Variants in PALLD observed in about 807,000 individuals in gnomAD.
PALLD encodes the protein palladin.
Under a neutral mutation model 123.5 loss-of-function variants are expected in PALLD, and 61 were observed. The observed-to-expected ratio is 0.49, with a 90% confidence interval of 0.40 to 0.61. The LOEUF (loss-of-function observed/expected upper bound fraction) is 0.61, where lower values mean the gene tolerates loss of function less well. Among genes scored for constraint, PALLD ranks in the 20% least tolerant of loss-of-function variants. The probability of loss-of-function intolerance (pLI) is 0.00; values close to 1 mark genes in which losing one functional copy is unlikely to be tolerated. For missense variants in PALLD, 1,273 were observed against 1,377.0 expected (o/e 0.92, Z 1.20); for synonymous variants, 465 against 496.4 (o/e 0.94, Z 0.84).
intron 10 of PALLD, among the ~76,000 whole-genome samples, chr4:168,740,196 A>G (rs1165077471): frequency 6.6e-6 from 1 of 152,218 alleles, no homozygotes. Flanking sequence ...ACTGGGAAAC[A>G]TCTTAAAAGA....
chr4:168,824,294 A>G (rs1743124829), intron 10 of PALLD, among the ~76,000 whole-genome samples: 1 of 151,978 alleles, frequency 6.6e-6, no homozygotes, highest in African/African-American at 2.4e-5. Context: ...TTTTTTTACC[A>G]ATCCTCTTAA....
intron 2 of PALLD, among the ~76,000 whole-genome samples, chr4:168,586,946 A>G (rs1288090323): frequency 2.0e-5 from 3 of 152,200 alleles, no homozygotes; most frequent in African/African-American, 7.2e-5. Context: ...TAAAAAGGAA[A>G]AGTCTAGTAT....
At position 168,703,810 on chromosome 4, in the gene PALLD, C is replaced by G. The variant is rs568473826; in HGVS notation, c.1502-5218C>G. 3.8e-3 allele frequency among the ~76,000 whole-genome samples: 544 copies of G among 144,236 alleles called. 20 individuals carry two copies. The highest frequency in any genetic ancestry group is 6.6e-3 in the Non-Finnish European group (442 of 66,748). The allele number at this position is 144,236 out of a possible 152,430, so 94.6% of individuals were successfully genotyped here. A position where few individuals can be genotyped will look rare whatever the true frequency, so the allele number is the denominator to read the frequency against. Reference sequence around the variant, plus strand: ...GTTCATTGTAGATTCTGGATATTAGCCCTTTGTCAGATGAGTAGGTTGCGA... The same window carrying G: ...GTTCATTGTAGATTCTGGATATTAGGCCTTTGTCAGATGAGTAGGTTGCGA... On this transcript the variant is annotated intron_variant, in intron 8 of 21. Transcript: ENST00000505667.
intron 8 of PALLD, among the ~76,000 whole-genome samples, chr4:168,702,381 T>C (rs1175062457): frequency 6.6e-6 from 1 of 151,942 alleles, no homozygotes; most frequent in Non-Finnish European, 1.5e-5. Context: ...TGAAACCCTG[T>C]CTCTACTAAA....
At chr4:168,787,364 A>C (rs1736899728) in intron 10 of PALLD, among the ~76,000 whole-genome samples, 1 of 152,170 alleles carries the variant, frequency 6.6e-6, no homozygotes, top group African/African-American at 2.4e-5. Context: ...TACAATCTTG[A>C]TTTATAATAA....
chr4:168,828,525 C>T (rs1407541424), intron 10 of PALLD, among the ~76,000 whole-genome samples: 1 of 152,184 alleles, frequency 6.6e-6, no homozygotes, highest in Admixed American at 6.5e-5. Context: ...ATAGATAGAT[C>T]TGTGATTTGG....
chr4:168,697,783 A>G (rs1179127333), intron 8 of PALLD, among the ~76,000 whole-genome samples: 1 of 152,176 alleles, frequency 6.6e-6, no homozygotes, highest in Non-Finnish European at 1.5e-5. Flanking sequence ...GATATAAGTA[A>G]CTCCCAAATG....
At chr4:168,666,129 A>G (rs1013900451) in intron 2 of PALLD, among the ~76,000 whole-genome samples, 3 of 152,312 alleles carry the variant, frequency 2.0e-5, no homozygotes, top group Non-Finnish European at 2.9e-5. Flanking sequence ...CTTGCAGGCT[A>G]TAAGTTCACT....
Position 168,926,288 on chromosome 4 carries a change from C to T in PALLD, c.*108C>T, listed in dbSNP as rs863224704. On this transcript the variant is annotated 3_prime_UTR_variant, in exon 22 of 22. Coordinates refer to ENST00000505667, the MANE Select transcript of PALLD (RefSeq NM_001166108.2). ...TCAGCCAGTCGCTATGCAGCACTTT[C>T]GGACCAGGGACTAGACATCAAAGCA... is the stretch of plus-strand genomic sequence containing the variant. 1.5e-5 allele frequency: 23 copies of T among 1,537,122 alleles called. No individual in the cohort carries two copies. In the African/African-American group the frequency reaches 1.8e-4, roughly 12 times the overall value.
intron 2 of PALLD, among the ~76,000 whole-genome samples, chr4:168,560,973 T>C (rs1364041954): frequency 1.3e-5 from 2 of 152,274 alleles, no homozygotes; most frequent in East Asian, 3.9e-4. Context: ...CCTGCAATAA[T>C]AGAGGAAGCA....
chr4:168,900,082 C>G (rs1215185402), intron 14 of PALLD, among the ~76,000 whole-genome samples: 1 of 152,276 alleles, frequency 6.6e-6, no homozygotes. Context: ...GTAGGAGCAA[C>G]AGAGAGAAGT....
intron 10 of PALLD, chr4:168,755,825 G>A (rs184693188): frequency 1.8e-4 from 33 of 178,522 alleles, no homozygotes; most frequent in East Asian, 8.8e-4. Context: ...AATGAAGGCT[G>A]TTCTCAGTAA....
chr4:168,701,018 T>C (rs932344854), intron 8 of PALLD: 1 of 147,050 alleles, frequency 6.8e-6, no homozygotes. Flanking sequence ...AGATATTATT[T>C]AATTACAGTT....
Position 168,511,917 on chromosome 4 carries a change from G to A in PALLD, c.413G>A (p.Arg138Gln), listed in dbSNP as rs138665337. ...AGGCCCAGCTACATCCGGAGCCTCCGAAAGGCTGAAAAGCGTGGTGCAAAA... is the reference window on the plus strand; with the variant it reads ...AGGCCCAGCTACATCCGGAGCCTCCAAAAGGCTGAAAAGCGTGGTGCAAAA... Reference protein sequence around the residue: ...LTRPSYIRSLRKAEKRGAKTP... With the variant: ...LTRPSYIRSLQKAEKRGAKTP... Residue 138 changes from arginine (R) to glutamine (Q), a missense_variant, in exon 2 of 22, where the codon CGA becomes CAA. Transcript: ENST00000505667. The A allele has an allele frequency of 8.3e-5, 134 of 1,614,028 alleles. No individual in the cohort carries two copies. The highest frequency in any genetic ancestry group is 4.9e-4 in the Middle Eastern group (3 of 6,084).
chr4:168,776,591 A>C (rs961329085), intron 10 of PALLD, among the ~76,000 whole-genome samples: 1 of 152,192 alleles, frequency 6.6e-6, no homozygotes, highest in African/African-American at 2.4e-5. Context: ...ATTAGGGAGA[A>C]AGCATGCACC....
intron 1 of PALLD, among the ~76,000 whole-genome samples, chr4:168,501,004 A>AT (rs1208130421): frequency 6.3e-4 from 96 of 152,362 alleles, no homozygotes; most frequent in African/African-American, 2.3e-3. Flanking sequence ...TCTATATTTT[A>AT]TAGTATACCA....
At chr4:168,602,393 A>C (rs1229479863) in intron 2 of PALLD, among the ~76,000 whole-genome samples, 1 of 152,230 alleles carries the variant, frequency 6.6e-6, no homozygotes, top group Non-Finnish European at 1.5e-5. Context: ...AATATCACCC[A>C]GTGTGACAAC....
At chr4:168,619,023 G>C (rs1001275474) in intron 2 of PALLD, among the ~76,000 whole-genome samples, 1 of 152,138 alleles carries the variant, frequency 6.6e-6, no homozygotes, top group Non-Finnish European at 1.5e-5. Context: ...TGTGGATGCC[G>C]AGCCATGACG....
chr4:168,609,143 C>A (rs1232573162), intron 2 of PALLD, among the ~76,000 whole-genome samples: 1 of 151,876 alleles, frequency 6.6e-6, no homozygotes, highest in African/African-American at 2.4e-5. Flanking sequence ...TACATATTAG[C>A]CAGAATTATG....
Sources: allele counts gnomAD v4.1 joint callset (sites outside exome capture counted in the v4.1 genomes callset), GRCh38; gene constraint gnomAD v4.1.1; transcripts MANE v1.5; gene names NCBI Gene and HGNC (gene_info 2026-07-23, HGNC 2026-07-21).